Variants in SUMF1 observed in about 807,000 individuals in gnomAD.
SUMF1 encodes the protein sulfatase modifying factor 1, also known as formylglycine-generating enzyme.
In SUMF1, 48 loss-of-function variants were observed where a neutral mutation model predicts 47.6. That is an observed-to-expected ratio of 1.01 (90% CI 0.80 to 1.28). SUMF1 has a LOEUF of 1.28. Among genes scored for constraint, SUMF1 ranks in the 50% most tolerant of loss-of-function variants. SUMF1 has a pLI of 0.00. For synonymous variants in SUMF1, 230 were observed against 192.1 expected, an observed-to-expected ratio of 1.20 and a Z score of -1.63; for missense variants, 571 against 485.4, an observed-to-expected ratio of 1.18 and a Z score of -1.66.
chr3:4,041,130 T>G (rs559341804), intron 9 of SUMF1, among the ~76,000 whole-genome samples: 12 of 152,316 alleles, frequency 7.9e-5, no homozygotes, highest in Admixed American at 1.3e-4. Flanking sequence ...TGGAATGCAG[T>G]GGTGCGATCT....
Position 4,213,962 on chromosome 3 carries a change from G to T in SUMF1, c.1015-145217C>A, listed in dbSNP as rs1695859635. On this transcript the variant is annotated intron_variant and NMD_transcript_variant, in intron 8 of 12. Transcript: ENST00000448413. ...TCAGACTTCCACACGATAATGATGG[G>T]AGACTTAAACATCCCACTGTCAATA... Among the ~76,000 whole-genome samples, 3 of 152,096 alleles carry T rather than the reference G, an allele frequency of 2.0e-5. No individual in the cohort carries two copies. The South Asian group carries it at 6.2e-4, about 31-fold the overall frequency.
At chr3:4,211,993 T>C (rs183068255) in intron 8 of SUMF1, among the ~76,000 whole-genome samples, 2,019 of 152,234 alleles carry the variant, frequency 0.013, 51 homozygotes, top group African/African-American at 0.047. Context: ...GGGGTGGCTG[T>C]GGGCACAGCT....
intron 8 of SUMF1, among the ~76,000 whole-genome samples, chr3:4,126,043 A>T (rs1487725163): frequency 6.6e-6 from 1 of 151,938 alleles, no homozygotes; most frequent in Non-Finnish European, 1.5e-5. Context: ...AACTATCCCT[A>T]GAACTGCATC....
intron 8 of SUMF1, among the ~76,000 whole-genome samples, chr3:4,331,601 G>A (rs1699052829): frequency 1.3e-5 from 2 of 152,196 alleles, no homozygotes; most frequent in Admixed American, 6.5e-5. Flanking sequence ...GCTGAAGTGG[G>A]TGGATCACCT....
intron 8 of SUMF1, among the ~76,000 whole-genome samples, chr3:4,284,449 G>C (rs1041302890): frequency 2.0e-5 from 2 of 101,160 alleles, no homozygotes; most frequent in Non-Finnish European, 4.0e-5. Flanking sequence ...GAAAGGAGGA[G>C]GAGGAGGAGG....
chr3:4,356,729 C>T (rs968197664), downstream of SUMF1, among the ~76,000 whole-genome samples: 9 of 152,162 alleles, frequency 5.9e-5, no homozygotes, highest in African/African-American at 2.2e-4. Context: ...TGGTTGCCAA[C>T]ATTAAAAACT....
intron 8 of SUMF1, chr3:4,316,688 GATTTTAT>G (rs985551198): frequency 1.3e-6 from 2 of 1,551,000 alleles, no homozygotes; most frequent in Admixed American, 3.9e-5. Context: ...ATGAAAAGTG[GATTTTAT>G]ATGACAACCG....
chr3:4,365,642 C>G (rs1158499083), intron 8 of SUMF1, among the ~76,000 whole-genome samples: 2 of 146,574 alleles, frequency 1.4e-5, no homozygotes, highest in African/African-American at 5.0e-5. Flanking sequence ...CTGAATACAG[C>G]ACACTGATGG....
At chr3:4,124,626 T>G (rs1693615003) in intron 8 of SUMF1, among the ~76,000 whole-genome samples, 1 of 151,954 alleles carries the variant, frequency 6.6e-6, no homozygotes, top group East Asian at 1.9e-4. Context: ...ACTCTGAAAT[T>G]CAGGGCCCTA....
intron 8 of SUMF1, among the ~76,000 whole-genome samples, chr3:4,259,501 A>G (rs1398442582): frequency 6.6e-6 from 1 of 152,154 alleles, no homozygotes; most frequent in African/African-American, 2.4e-5. Flanking sequence ...CTTTTTGACA[A>G]AATATTTGGA....
intron 8 of SUMF1, among the ~76,000 whole-genome samples, chr3:4,298,779 C>T (rs1053978805): frequency 1.3e-4 from 20 of 152,184 alleles, no homozygotes; most frequent in African/African-American, 4.8e-4. Context: ...AGTGGTCAAA[C>T]TTTTCTTAAA....
At chr3:4,199,910 A>C (rs1392332690) in intron 8 of SUMF1, among the ~76,000 whole-genome samples, 1 of 152,074 alleles carries the variant, frequency 6.6e-6, no homozygotes, top group Non-Finnish European at 1.5e-5. Flanking sequence ...ATTTGCATCC[A>C]TTCCTTTTTG....
chr3:4,316,297 C>G, intron 8 of SUMF1: 1 of 1,070,800 alleles, frequency 9.3e-7, no homozygotes, highest in East Asian at 2.6e-5. Flanking sequence ...GCAGAAACAA[C>G]TCGCAACATC....
intron 6 of SUMF1, among the ~76,000 whole-genome samples, 162 bp from the exon 7 acceptor site, chr3:4,411,140 G>C (rs1266679574): frequency 6.6e-6 from 1 of 151,966 alleles, no homozygotes; most frequent in African/African-American, 2.4e-5. Flanking sequence ...AAAGAAAGGG[G>C]CATTTTTTTT....
chr3:4,328,860 G>A (rs1698996262), intron 8 of SUMF1, among the ~76,000 whole-genome samples: 1 of 152,132 alleles, frequency 6.6e-6, no homozygotes. Context: ...AAAATTAAAA[G>A]CAAGATAGCT....
intron 8 of SUMF1, among the ~76,000 whole-genome samples, chr3:4,164,418 G>A (rs751014162): frequency 6.6e-5 from 10 of 152,184 alleles, no homozygotes; most frequent in East Asian, 1.9e-4. Context: ...TGGATCATCC[G>A]GTTGGGGGCT....
intron 8 of SUMF1, among the ~76,000 whole-genome samples, chr3:4,179,698 CTAAT>C (rs1695049232): frequency 6.6e-6 from 1 of 152,098 alleles, no homozygotes. Flanking sequence ...CAAATGGGAT[CTAAT>C]TAAACTAAAG....
intron 8 of SUMF1, among the ~76,000 whole-genome samples, chr3:4,254,172 A>G (rs1416288822): frequency 1.3e-5 from 2 of 152,088 alleles, no homozygotes; most frequent in Admixed American, 6.5e-5. Flanking sequence ...AAAAAACAGA[A>G]CAGAAAAACT....
At chr3:4,412,245 A>G (rs1228968489) in intron 6 of SUMF1, among the ~76,000 whole-genome samples, 1 of 152,210 alleles carries the variant, frequency 6.6e-6, no homozygotes, top group Non-Finnish European at 1.5e-5. Flanking sequence ...TTAATGAGGG[A>G]GAAAAAAAGA....
Sources: allele counts gnomAD v4.1 joint callset (sites outside exome capture counted in the v4.1 genomes callset), GRCh38; gene constraint gnomAD v4.1.1; transcripts MANE v1.5; gene names NCBI Gene and HGNC (gene_info 2026-07-23, HGNC 2026-07-21).